Variants in HGF observed in about 807,000 individuals in gnomAD.
HGF encodes the protein fibroblast-derived tumor cytotoxic factor.
In HGF, 39 loss-of-function variants were observed where a neutral mutation model predicts 111.6. The observed-to-expected ratio is 0.35, with a 90% confidence interval of 0.27 to 0.46. The LOEUF is 0.46. Ranked by LOEUF, HGF falls within the 20% of genes least tolerant of loss-of-function variation. The pLI is 1.00. For synonymous variants in HGF, 285 were observed against 294.8 expected (o/e 0.97, Z 0.34); for missense variants, 735 against 910.5 (o/e 0.81, Z 2.48).
intron 11 of HGF, among the ~76,000 whole-genome samples, chr7:81,716,380 G>GT (rs753802009): frequency 6.6e-6 from 1 of 152,094 alleles, no homozygotes; most frequent in Non-Finnish European, 1.5e-5. Context: ...AATTCACACT[G>GT]TAAGTAGCAT....
intron 7 of HGF, chr7:81,742,989 G>C (rs1181010959): frequency 6.3e-7 from 1 of 1,589,396 alleles, no homozygotes; most frequent in Non-Finnish European, 8.6e-7. Context: ...GGATTGGAAG[G>C]TAAGGAACTA....
At position 81,699,470 on chromosome 7, in the gene HGF, G is replaced by T. The variant is rs1323228222; in HGVS notation, c.*3111C>A. 2 of 151,516 alleles carry T rather than the reference G, an allele frequency of 1.3e-5. No homozygotes were observed. Among genetic ancestry groups the T allele is most frequent in the Admixed American group, 6.6e-5 (1 of 15,140 alleles). 9.4% of individuals were successfully genotyped at this position (151,516 alleles called of 1,614,324 possible). A position where few individuals can be genotyped will look rare whatever the true frequency, so the allele number is the denominator to read the frequency against. On this transcript the variant is annotated 3_prime_UTR_variant, in exon 18 of 18. Coordinates refer to ENST00000222390, the MANE Select transcript of HGF (RefSeq NM_000601.6). Reference sequence around the variant, plus strand: ...CCAAAATTAGTTTTATTTTTTAAATGAGTTTGCCTATATGTATGGGATGTA... The same window carrying T: ...CCAAAATTAGTTTTATTTTTTAAATTAGTTTGCCTATATGTATGGGATGTA...
chr7:81,746,728 T>A (rs1788272269), intron 5 of HGF, among the ~76,000 whole-genome samples: 1 of 152,144 alleles, frequency 6.6e-6, no homozygotes, highest in South Asian at 2.1e-4. Flanking sequence ...ATAGAATTAT[T>A]TTCTGGTAAT....
At chr7:81,751,887 A>G in intron 5 of HGF, 2 of 1,362,760 alleles carry the variant, frequency 1.5e-6, no homozygotes, top group Non-Finnish European at 1.9e-6. Flanking sequence ...GGGATGTCTC[A>G]GGCAGTGTTG....
chr7:81,759,338 T>G (rs906611091), intron 2 of HGF, among the ~76,000 whole-genome samples: 2 of 152,174 alleles, frequency 1.3e-5, no homozygotes. Context: ...GCGCTAGGGA[T>G]TCTCCTAAAA....
chr7:81,726,085 A>C, intron 8 of HGF, 68 bp from the exon 9 acceptor site: 1 of 1,473,798 alleles, frequency 6.8e-7, no homozygotes, highest in South Asian at 1.1e-5. Context: ...GCGCTATTAC[A>C]TTTCTAGAAT....
At position 81,742,717 on chromosome 7, in the gene HGF, A is replaced by C. The variant is rs1788055320; in HGVS notation, c.865+636T>G. The stretch of plus-strand genomic sequence containing the variant: ...ACGTTAAAAAATAGTTTTTATTGTA[A>C]ATTCAGAAAAGCTAGGTAAGGGCCA... On this transcript the variant is annotated intron_variant, in intron 7 of 17. Coordinates refer to ENST00000222390, the MANE Select transcript of HGF (RefSeq NM_000601.6). The C allele has an allele frequency of 4.2e-6, 6 of 1,416,310 alleles. No homozygotes were observed. In the South Asian group the frequency reaches 9.4e-5, roughly 22 times the overall value. 87.7% of individuals were successfully genotyped at this position (1,416,310 alleles called of 1,614,324 possible). A position where few individuals can be genotyped will look rare whatever the true frequency, so the allele number is the denominator to read the frequency against.
At chr7:81,747,773 G>T (rs1287959631) in intron 5 of HGF, among the ~76,000 whole-genome samples, 1 of 152,016 alleles carries the variant, frequency 6.6e-6, no homozygotes, top group Non-Finnish European at 1.5e-5. Context: ...CTGAGGTCAG[G>T]AGTTTGAGAC....
chr7:81,706,231 A>C, intron 15 of HGF, 56 bp downstream of exon 15: 1 of 1,526,586 alleles, frequency 6.6e-7, no homozygotes, highest in Non-Finnish European at 9.1e-7. Context: ...GCTGAAGAAA[A>C]TGCTCCAACA....
intron 7 of HGF, among the ~76,000 whole-genome samples, chr7:81,733,468 G>A (rs1787730852): frequency 6.6e-6 from 1 of 151,620 alleles, no homozygotes; most frequent in South Asian, 2.1e-4. Context: ...TTTTTCTTGT[G>A]TTTTAATTCA....
chr7:81,717,479 A>T (rs537262107), intron 10 of HGF, 114 bp from the exon 11 acceptor site: 1 of 1,045,284 alleles, frequency 9.6e-7, no homozygotes, highest in Non-Finnish European at 1.5e-6. Flanking sequence ...ATACAGCATA[A>T]CCTTTTACTT....
At position 81,714,668 on chromosome 7, in the gene HGF, T is replaced by C. The variant is rs563094228; in HGVS notation, c.1405+2564A>G. On this transcript the variant is annotated intron_variant, in intron 11 of 17. Coordinates refer to ENST00000222390, the MANE Select transcript of HGF (RefSeq NM_000601.6). ...TTTTATGTTTGCATATTTGATAAACTTAAAAATATGTAAAATATTATTTTG... is the reference window on the plus strand; with the variant it reads ...TTTTATGTTTGCATATTTGATAAACCTAAAAATATGTAAAATATTATTTTG... Among the ~76,000 whole-genome samples the C allele has an allele frequency of 2.0e-5, 3 of 152,136 alleles. No homozygotes were observed. The East Asian group carries it at 5.8e-4, about 29-fold the overall frequency.
chr7:81,706,058 AG>A (rs2115769260), intron 15 of HGF, among the ~76,000 whole-genome samples: 1 of 152,062 alleles, frequency 6.6e-6, no homozygotes, highest in Non-Finnish European at 1.5e-5. Flanking sequence ...CAGACTGATC[AG>A]ACTGTTGGCC....
intron 7 of HGF, among the ~76,000 whole-genome samples, chr7:81,738,233 A>T (rs548133071): frequency 2.0e-4 from 31 of 152,280 alleles, no homozygotes; most frequent in African/African-American, 7.0e-4. Context: ...TAAAACTTAC[A>T]GAAAAAATAC....
chr7:81,729,859 A>G, intron 7 of HGF, 80 bp from the exon 8 acceptor site: 1 of 1,331,392 alleles, frequency 7.5e-7, no homozygotes, highest in Non-Finnish European at 1.1e-6. Flanking sequence ...GTTCATTGGC[A>G]TTTGTATTAG....
intron 4 of HGF, chr7:81,756,088 G>A: frequency 1.4e-6 from 1 of 700,838 alleles, no homozygotes; most frequent in Non-Finnish European, 2.6e-6. Flanking sequence ...CACAGCATGG[G>A]TTCTACTGAC....
At chr7:81,728,650 T>G (rs892144222) in intron 8 of HGF, among the ~76,000 whole-genome samples, 2 of 152,186 alleles carry the variant, frequency 1.3e-5, no homozygotes, top group African/African-American at 2.4e-5. Context: ...AATCTTAGAT[T>G]AATATTTACT....
At chr7:81,716,001 AT>A (rs1789703089) in intron 11 of HGF, among the ~76,000 whole-genome samples, 1 of 152,218 alleles carries the variant, frequency 6.6e-6, no homozygotes, top group Admixed American at 6.5e-5. Context: ...GATACATAGT[AT>A]AGTAAAATGG....
intron 4 of HGF, 47 bp downstream of exon 4, chr7:81,757,142 T>A: frequency 1.1e-6 from 1 of 943,128 alleles, no homozygotes; most frequent in Non-Finnish European, 1.8e-6. Flanking sequence ...ACTGTTAACA[T>A]GTAAAAAAGA....
Sources: allele counts gnomAD v4.1 joint callset (sites outside exome capture counted in the v4.1 genomes callset), GRCh38; gene constraint gnomAD v4.1.1; transcripts MANE v1.5; gene names NCBI Gene and HGNC (gene_info 2026-07-23, HGNC 2026-07-21).